Variants in NAB2 observed in about 807,000 individuals in gnomAD.
The protein encoded by NAB2 is NGFI-A binding protein 2, also known as NGFI-A-binding protein 2.
In NAB2, 9 loss-of-function variants were observed where a neutral mutation model predicts 44.2. The observed-to-expected ratio is 0.20, with a 90% CI of 0.12 to 0.36. The LOEUF is 0.36. NAB2 is among the 10% of genes least tolerant of loss of function. The pLI is 1.00. For synonymous variants in NAB2, 342 were observed against 291.0 expected, an observed-to-expected ratio of 1.18 and a Z score of -1.78; for missense variants, 514 against 709.0, an observed-to-expected ratio of 0.73 and a Z score of 3.12.
At chr12:57,089,783 G>T (rs953363135) in intron 1 of NAB2, among the ~76,000 whole-genome samples, 2 of 151,624 alleles carry the variant, frequency 1.3e-5, no homozygotes, top group South Asian at 2.1e-4. Flanking sequence ...GGGAAAGGGG[G>T]GGTGACGAGG....
In NAB2 at chr12:57,091,021, G is replaced by A; in HGVS notation, c.84-104G>A. 4 of 1,010,964 alleles carry A rather than the reference G, an allele frequency of 4.0e-6. No homozygotes were observed. Among genetic ancestry groups the A allele is most frequent in the Admixed American group, 4.7e-5 (2 of 42,288 alleles). The allele number at this position is 1,010,964 out of a possible 1,614,324, so 62.6% of individuals were successfully genotyped here. ...GCAGGATAGCATCCAAATGAGGGAG[G>A]GGAAGAAAAGCAGGCAGGAAAGAGG... is the stretch of plus-strand genomic sequence containing the variant. On this transcript the variant is annotated intron_variant, in intron 1 of 6. Coordinates refer to ENST00000300131, the MANE Select transcript of NAB2 (RefSeq NM_005967.4). This position sits in a 1 kb window ranked among gnomAD's most constrained non-coding sequence, Gnocchi z 7.3.
At position 57,089,347 on chromosome 12, in the gene NAB2, A is replaced by G; in HGVS notation, c.76A>G (p.Arg26Gly). The change falls in exon 1 of 7, where the codon AGA becomes GGA. Residue 26 changes from arginine (R) to glycine (G), a missense_variant. Physicochemically the swap from Arg to Gly is moderately radical, Grantham distance 125. This residue lies in a region of NAB2 where 56 missense variants were observed against 45.5 expected (regional missense o/e 1.23). Coordinates refer to ENST00000300131, the MANE Select transcript of NAB2 (RefSeq NM_005967.4). ...CAGCGCCCGCCGGACCCTGCAGCCC[A>G]GACTCAAGTTAGTGGGCAAAGGGAG... ...GDSARRTLQP[R>G]LKPSARAMAL... 6.4e-7 allele frequency: 1 copy of G among 1,570,856 alleles called. No individual in the cohort carries two copies. Among genetic ancestry groups the G allele is most frequent in the Non-Finnish European group, 8.6e-7 (1 of 1,158,034 alleles).
intron 3 of NAB2, 131 bp from the exon 4 acceptor site, chr12:57,092,786 C>G (rs1321130859): frequency 7.3e-6 from 10 of 1,361,272 alleles, no homozygotes; most frequent in Non-Finnish European, 1.0e-5. Context: ...AGTGCTTGAA[C>G]TAGAGACTCT....
At position 57,089,232 on chromosome 12, in the gene NAB2, G is replaced by A. The variant is rs775494988; in HGVS notation, c.-40G>A. On this transcript the variant is annotated 5_prime_UTR_variant, in exon 1 of 7. Transcript: ENST00000300131. ...CAGCACGCAGCAGGCGCCGAGCGCCGGGCACCGAGAAGGGCAGCCCGGGTG... is the reference window on the plus strand; with the variant it reads ...CAGCACGCAGCAGGCGCCGAGCGCCAGGCACCGAGAAGGGCAGCCCGGGTG... 3 of 1,550,776 alleles carry A rather than the reference G, an allele frequency of 1.9e-6. No homozygotes were observed. The highest frequency in any genetic ancestry group is 2.7e-5 in the African/African-American group (2 of 73,496).
At position 57,092,979 on chromosome 12, in the gene NAB2, C is replaced by A; in HGVS notation, c.1143+11C>A. The A allele has an allele frequency of 6.2e-7, 1 of 1,614,148 alleles. No homozygotes were observed. Among genetic ancestry groups the A allele is most frequent in the Non-Finnish European group, 8.5e-7 (1 of 1,180,024 alleles). On this transcript the variant is annotated intron_variant, in intron 4 of 6. Coordinates refer to ENST00000300131, the MANE Select transcript of NAB2 (RefSeq NM_005967.4). ...AAGCTGAAACAAGAGGTATGTTTTCCGGGGTGCATATAGGGGCACTGGGCA... is the reference window on the plus strand; with the variant it reads ...AAGCTGAAACAAGAGGTATGTTTTCAGGGGTGCATATAGGGGCACTGGGCA...
chr12:57,092,807 GCTT>G (rs1414298651), intron 3 of NAB2, 107 bp from the exon 4 acceptor site: 21 of 1,465,582 alleles, frequency 1.4e-5, no homozygotes, highest in Non-Finnish European at 1.8e-5. Context: ...TTCTCGGCCA[GCTT>G]CTTGGCAAAG....
rs541723673 is a variant in NAB2, at chr12:57,091,105, CTT to C, written c.84-19_84-18del. ...GGGGACTTGCACCGACTGCCTCTCTCTTGTGCCCCTCCTTCTCAGGCCCAGTG... is the reference window on the plus strand; with the variant it reads ...GGGGACTTGCACCGACTGCCTCTCTCGTGCCCCTCCTTCTCAGGCCCAGTG... On this transcript the variant is annotated intron_variant, in intron 1 of 6. Coordinates refer to ENST00000300131, the MANE Select transcript of NAB2 (RefSeq NM_005967.4). The surrounding 1 kb of genome is among the most constrained non-coding windows in gnomAD (Gnocchi z 7.3). The C allele has an allele frequency of 6.1e-4, 915 of 1,507,068 alleles. 4 individuals are homozygous for C. The African/African-American group carries it at 0.011, about 18-fold the overall frequency. 93.4% of individuals were successfully genotyped at this position (1,507,068 alleles called of 1,614,324 possible).
At position 57,089,289 on chromosome 12, in the gene NAB2, C is replaced by T; in HGVS notation, c.18C>T (p.Ser6=). Residue 6 remains serine, a synonymous_variant, in exon 1 of 7, where the codon TCC becomes TCT. Transcript: ENST00000300131. MHRAP[S]PTAEQPPGGG... ...GGCCGTCCATGCACAGAGCGCCTTC[C>T]CCCACAGCCGAGCAGCCGCCGGGCG... is the stretch of plus-strand genomic sequence containing the variant. 6.3e-7 allele frequency: 1 copy of T among 1,577,626 alleles called. No homozygotes were observed. The highest frequency in any genetic ancestry group is 8.6e-7 in the Non-Finnish European group (1 of 1,162,116).
At chr12:57,092,778 T>C in intron 3 of NAB2, 139 bp from the exon 4 acceptor site, 1 of 1,327,836 alleles carries the variant, frequency 7.5e-7, no homozygotes, top group East Asian at 2.3e-5. Context: ...ACAACAATAG[T>C]GCTTGAACTA....
rs778904489 is a variant in NAB2 at position 57,091,629 on chromosome 12, G to A, written c.588G>A (p.Gly196=). The change falls in exon 2 of 7, where the codon GGG becomes GGA. Residue 196 remains glycine, a synonymous_variant. Transcript: ENST00000300131. The surrounding 1 kb of genome is among the most constrained non-coding windows in gnomAD (Gnocchi z 7.3). ...PGRSTPESDV[G]AGGEEEAGSP... is the part of the protein sequence containing the mutation. ...GGAGCACTCCAGAGTCGGACGTTGG[G>A]GCAGGAGGAGAAGAGGAGGCTGGCT... is the stretch of plus-strand genomic sequence containing the variant. The A allele has an allele frequency of 3.7e-6, 6 of 1,605,612 alleles. No individual in the cohort carries two copies. Among genetic ancestry groups the A allele is most frequent in the Non-Finnish European group, 5.1e-6 (6 of 1,175,056 alleles).
chr12:57,094,794 C>G lies in NAB2; in HGVS notation c.*73C>G. The G allele has an allele frequency of 7.9e-7, 1 of 1,259,456 alleles. No individual in the cohort carries two copies. Among genetic ancestry groups the G allele is most frequent in the East Asian group, 2.5e-5 (1 of 39,320 alleles). 78.0% of individuals were successfully genotyped at this position (1,259,456 alleles called of 1,614,324 possible). ...CACAGACCCCCACGCTCTCCATCCCCGGAATCTAGTCACAACCCTGGATCC... is the reference window on the plus strand; with the variant it reads ...CACAGACCCCCACGCTCTCCATCCCGGGAATCTAGTCACAACCCTGGATCC... On this transcript the variant is annotated 3_prime_UTR_variant, in exon 7 of 7. Coordinates refer to ENST00000300131, the MANE Select transcript of NAB2 (RefSeq NM_005967.4).
At position 57,089,313 on chromosome 12, in the gene NAB2, C is replaced by A; in HGVS notation, c.42C>A (p.Gly14=). Residue 14 remains glycine (G), a synonymous_variant, in exon 1 of 7, where the codon GGC becomes GGA. Coordinates refer to ENST00000300131, the MANE Select transcript of NAB2 (RefSeq NM_005967.4). ...APSPTAEQPP[G]GGDSARRTLQ... ...CCCCCACAGCCGAGCAGCCGCCGGG[C>A]GGAGGGGACAGCGCCCGCCGGACCC... is the stretch of plus-strand genomic sequence containing the variant. The A allele has an allele frequency of 1.3e-6, 2 of 1,578,222 alleles. No individual in the cohort carries two copies. Among genetic ancestry groups the A allele is most frequent in the Non-Finnish European group, 8.6e-7 (1 of 1,162,722 alleles).
At position 57,091,135 on chromosome 12, in the gene NAB2, C is replaced by T. The variant is rs756839873; in HGVS notation, c.94C>T (p.Arg32Ter). The change falls in exon 2 of 7, where the codon CGA becomes TGA. Residue 32 changes from arginine to a stop codon, truncating the protein, a stop_gained. Transcript: ENST00000300131. LOFTEE classifies it high-confidence loss of function. The surrounding 1 kb of genome is among the most constrained non-coding windows in gnomAD (Gnocchi z 7.3). ...TLQPRLKPSA[R>*]AMALPRTLGE... ...GCCCCTCCTTCTCAGGCCCAGTGCCCGAGCCATGGCACTGCCTCGGACGCT... is the reference window on the plus strand; with the variant it reads ...GCCCCTCCTTCTCAGGCCCAGTGCCTGAGCCATGGCACTGCCTCGGACGCT... 10 of 1,514,654 alleles carry T rather than the reference C, an allele frequency of 6.6e-6. No individual in the cohort carries two copies. The highest frequency in any genetic ancestry group is 2.6e-5 in the South Asian group (2 of 75,634). 93.8% of individuals were successfully genotyped at this position (1,514,654 alleles called of 1,614,324 possible).
At chr12:57,092,293 C>T in intron 2 of NAB2, 155 bp from the exon 3 acceptor site, 1 of 1,206,258 alleles carries the variant, frequency 8.3e-7, no homozygotes, top group East Asian at 2.4e-5. Flanking sequence ...TGACCTCTGT[C>T]TTCCCACCTC....
intron 6 of NAB2, among the ~76,000 whole-genome samples, chr12:57,094,161 G>C (rs993455558): frequency 6.6e-6 from 1 of 151,768 alleles, no homozygotes; most frequent in Non-Finnish European, 1.5e-5. Flanking sequence ...CTCTTCTTGA[G>C]GGAGGAGCTC....
Position 57,094,670 on chromosome 12 carries a change from G to A in NAB2, c.1527G>A (p.Val509=), listed in dbSNP as rs1218750950. The change falls in exon 7 of 7, where the codon GTG becomes GTA. Residue 509 remains valine (V), a synonymous_variant. Coordinates refer to ENST00000300131, the MANE Select transcript of NAB2 (RefSeq NM_005967.4). ...CCCCAGGACCCCATCCCGCGCTGGTGGAGGGTCGCAGGAGCAGCGTGAAAG... is the reference window on the plus strand; with the variant it reads ...CCCCAGGACCCCATCCCGCGCTGGTAGAGGGTCGCAGGAGCAGCGTGAAAG... The part of the protein sequence containing the change: ...CPAPGPHPAL[V]EGRRSSVKVE... 7.1e-6 allele frequency: 11 copies of A among 1,555,796 alleles called. No individual in the cohort carries two copies. Among genetic ancestry groups the A allele is most frequent in the Non-Finnish European group, 9.6e-6 (11 of 1,149,362 alleles).
At position 57,093,454 on chromosome 12, in the gene NAB2, C is replaced by G; in HGVS notation, c.1324C>G (p.Leu442Val). 1.2e-6 allele frequency: 2 copies of G among 1,601,084 alleles called. No individual in the cohort carries two copies. The highest frequency in any genetic ancestry group is 8.5e-7 in the Non-Finnish European group (1 of 1,174,482). ...RLTPPPADLP[L>V]ALPAHGLWSR... ...GACGCCGCCCCCTGCTGACCTGCCT[C>G]TGGCATTGCCAGCCCATGGGCTATG... The change falls in exon 6 of 7, where the codon CTG becomes GTG. Residue 442 changes from leucine to valine, a missense_variant. Leu to Val is a conservative substitution (Grantham distance 32). This residue lies in a region of NAB2 where 194 missense variants were observed against 223.9 expected (regional missense o/e 0.87). Transcript: ENST00000300131.
Position 57,091,854 on chromosome 12 carries a change from T to C in NAB2, c.813T>C (p.Asn271=), listed in dbSNP as rs1408381526. 2.5e-6 allele frequency: 4 copies of C among 1,614,120 alleles called. No individual in the cohort carries two copies. Among genetic ancestry groups the C allele is most frequent in the Non-Finnish European group, 3.4e-6 (4 of 1,179,986 alleles). ...AGGTCACATCCCTGCTAAAGCTGAATAAGAAGCTGGCACGGAGCGTTGGGC... is the reference window on the plus strand; with the variant it reads ...AGGTCACATCCCTGCTAAAGCTGAACAAGAAGCTGGCACGGAGCGTTGGGC... ...AGEVTSLLKL[N]KKLARSVGHI... is the part of the protein sequence containing the mutation. Residue 271 remains asparagine, a synonymous_variant, in exon 2 of 7, where the codon AAT becomes AAC. Coordinates refer to ENST00000300131, the MANE Select transcript of NAB2 (RefSeq NM_005967.4). The surrounding 1 kb of genome is among the most constrained non-coding windows in gnomAD (Gnocchi z 7.3).
intron 6 of NAB2, 56 bp from the exon 7 acceptor site, chr12:57,094,556 C>T (rs1344282976): frequency 7.1e-7 from 1 of 1,409,526 alleles, no homozygotes; most frequent in Non-Finnish European, 9.8e-7. Flanking sequence ...TTCCCAACCA[C>T]CTCTGTCTGC....
Sources: gnomAD v4.1 joint callset for allele counts (sites outside exome capture counted in the v4.1 genomes callset) on GRCh38, gnomAD v4.1.1 for gene constraint, gnomAD v4.1.1 regional missense constraint, Gnocchi (gnomAD v3.1) non-coding constraint, MANE v1.5 for transcripts, NCBI Gene and HGNC (gene_info 2026-07-23, HGNC 2026-07-21) for gene names.